The following GALNT18 variants were observed in gnomAD, a reference collection of about 807,000 sequenced individuals.
The protein encoded by GALNT18 is GalNAc-transferase 18.
GALNT18 carries 44 observed loss-of-function variants against 69.5 expected under a neutral mutation model. The observed-to-expected ratio is 0.63, with a 90% CI of 0.50 to 0.81. GALNT18 has a LOEUF of 0.81. Ranked by LOEUF, GALNT18 falls within the 40% of genes least tolerant of loss-of-function variation. The probability of loss-of-function intolerance (pLI) is 0.00; values close to 1 mark genes in which losing one functional copy is unlikely to be tolerated. For synonymous variants in GALNT18, 364 were observed against 318.2 expected (o/e 1.14, Z -1.53); for missense variants, 715 against 810.0 (o/e 0.88, Z 1.42).
At chr11:11,379,917 G>T (rs756292127) in intron 3 of GALNT18, among the ~76,000 whole-genome samples, 22 of 152,234 alleles carry the variant, frequency 1.4e-4, no homozygotes, top group Admixed American at 3.9e-4. Flanking sequence ...ACAGAAACAG[G>T]CCTCAGCAGC....
At chr11:11,560,193 T>A in intron 1 of GALNT18, among the ~76,000 whole-genome samples, 1 of 4,702 alleles carries the variant, frequency 2.1e-4, no homozygotes, top group African/African-American at 7.8e-4. Context: ...TATGATGGGA[T>A]GGGTGAGATA....
At position 11,618,582 on chromosome 11, in the gene GALNT18, C is replaced by A. The variant is rs1272156080; in HGVS notation, c.235+2777G>T. ...GGGACCCTGGGGCCCTCCTGGGAGA[C>A]AGTTTAGTACGTGGGTAAGAACTTA... On this transcript the variant is annotated intron_variant, in intron 1 of 10. Transcript: ENST00000227756. This position sits in a 1 kb window ranked among gnomAD's most constrained non-coding sequence, Gnocchi z 6.1. Among the ~76,000 whole-genome samples, 1 of 152,174 alleles carries A rather than the reference C, an allele frequency of 6.6e-6. No homozygotes were observed. Among genetic ancestry groups the A allele is most frequent in the Non-Finnish European group, 1.5e-5 (1 of 68,044 alleles).
intron 6 of GALNT18, chr11:11,352,851 C>T: frequency 6.2e-7 from 1 of 1,614,196 alleles, no homozygotes; most frequent in Non-Finnish European, 8.5e-7. Flanking sequence ...GTTGGGACCT[C>T]CTCTCAAATT....
chr11:11,331,192 G>A (rs889056126), intron 8 of GALNT18, among the ~76,000 whole-genome samples: 1 of 152,218 alleles, frequency 6.6e-6, no homozygotes, highest in Non-Finnish European at 1.5e-5. Flanking sequence ...TACTACCTGA[G>A]CAGCACTGGC....
chr11:11,307,628 G>A (rs1344555374), intron 9 of GALNT18, among the ~76,000 whole-genome samples: 1 of 152,148 alleles, frequency 6.6e-6, no homozygotes, highest in Non-Finnish European at 1.5e-5. Flanking sequence ...AGGTTCTGAT[G>A]CTACCCCTTT....
chr11:11,466,039 T>C (rs957204001), intron 1 of GALNT18, among the ~76,000 whole-genome samples: 4 of 152,164 alleles, frequency 2.6e-5, no homozygotes, highest in African/African-American at 7.2e-5. Context: ...CAAAACTGTA[T>C]TTTTTGCATT....
intron 3 of GALNT18, among the ~76,000 whole-genome samples, chr11:11,424,193 G>A (rs540787301): frequency 4.3e-4 from 65 of 152,290 alleles, no homozygotes; most frequent in South Asian, 8.3e-4. Flanking sequence ...GCTCACCTAC[G>A]TTGGACCTGC....
At chr11:11,574,285 G>A (rs188815660) in intron 1 of GALNT18, among the ~76,000 whole-genome samples, 1 of 152,178 alleles carries the variant, frequency 6.6e-6, no homozygotes, top group Non-Finnish European at 1.5e-5. Flanking sequence ...GATGGCTTCT[G>A]AAGGCTACAA....
At chr11:11,568,640 AG>A (rs1323764114) in intron 1 of GALNT18, among the ~76,000 whole-genome samples, 2 of 152,080 alleles carry the variant, frequency 1.3e-5, no homozygotes, top group Non-Finnish European at 2.9e-5. Flanking sequence ...ATAGAGAGCA[AG>A]ATGTACAGGA....
intron 1 of GALNT18, among the ~76,000 whole-genome samples, chr11:11,484,924 A>T (rs1191608005): frequency 3.3e-5 from 5 of 152,220 alleles, no homozygotes; most frequent in African/African-American, 1.2e-4. Context: ...GGCAGCCGCG[A>T]CATGAGCTTC....
intron 8 of GALNT18, among the ~76,000 whole-genome samples, chr11:11,331,788 G>A (rs551463592): frequency 6.6e-6 from 1 of 152,170 alleles, no homozygotes; most frequent in Admixed American, 6.5e-5. Context: ...TAGTCTTGGG[G>A]GTTTGTCATG....
At chr11:11,450,714 G>A (rs576571496) in intron 1 of GALNT18, among the ~76,000 whole-genome samples, 12 of 152,348 alleles carry the variant, frequency 7.9e-5, no homozygotes, top group African/African-American at 2.9e-4. Context: ...CACTTGATGA[G>A]TGCTCACTCC....
intron 3 of GALNT18, among the ~76,000 whole-genome samples, chr11:11,418,730 T>C (rs1455294936): frequency 6.6e-6 from 1 of 152,194 alleles, no homozygotes; most frequent in Non-Finnish European, 1.5e-5. Context: ...TGGCTGACAC[T>C]TGAGAATGCA....
At chr11:11,398,342 A>G (rs1448218316) in intron 3 of GALNT18, among the ~76,000 whole-genome samples, 1 of 152,214 alleles carries the variant, frequency 6.6e-6, no homozygotes, top group Non-Finnish European at 1.5e-5. Flanking sequence ...GGTGAAATAG[A>G]GGAAAGGGCT....
At chr11:11,403,697 G>A (rs946283438) in intron 3 of GALNT18, among the ~76,000 whole-genome samples, 4 of 152,170 alleles carry the variant, frequency 2.6e-5, no homozygotes, top group Admixed American at 6.5e-5. Flanking sequence ...CCCACCACCT[G>A]GGGAGGACAG....
intron 10 of GALNT18, among the ~76,000 whole-genome samples, chr11:11,289,189 T>A (rs1849252694): frequency 6.6e-6 from 1 of 152,202 alleles, no homozygotes; most frequent in Admixed American, 6.5e-5. Context: ...GAGGAGAGAT[T>A]CCAGGTCACC....
At chr11:11,547,825 A>C (rs2133964732) in intron 1 of GALNT18, among the ~76,000 whole-genome samples, 1 of 152,260 alleles carries the variant, frequency 6.6e-6, no homozygotes, top group Non-Finnish European at 1.5e-5. Flanking sequence ...CAAATTCCTT[A>C]GCCTGGCATT....
At chr11:11,426,570 C>A (rs763522413) in intron 3 of GALNT18, among the ~76,000 whole-genome samples, 2 of 152,184 alleles carry the variant, frequency 1.3e-5, no homozygotes, top group Non-Finnish European at 2.9e-5. Flanking sequence ...AGATGCTTCA[C>A]GTGGCAAAAT....
At chr11:11,537,868 T>C (rs1857820861) in intron 1 of GALNT18, among the ~76,000 whole-genome samples, 1 of 152,214 alleles carries the variant, frequency 6.6e-6, no homozygotes, top group Admixed American at 6.5e-5. Context: ...ATGGCTCTAT[T>C]TGCTGTGAGA....
Sources: allele counts gnomAD v4.1 joint callset (sites outside exome capture counted in the v4.1 genomes callset), GRCh38; gene constraint gnomAD v4.1.1; non-coding constraint Gnocchi (gnomAD v3.1); transcripts MANE v1.5; gene names NCBI Gene and HGNC (gene_info 2026-07-23, HGNC 2026-07-21).